Variants in POC1A observed in about 807,000 individuals in gnomAD.
The protein encoded by POC1A is POC1 centriolar protein homolog A.
A neutral mutation model predicts 47.8 loss-of-function variants in POC1A; 34 were observed. The observed-to-expected ratio is 0.71, with a 90% CI of 0.54 to 0.95. The LOEUF is 0.95. POC1A is among the 40% of genes least tolerant of loss of function. POC1A has a pLI of 0.00. For missense variants in POC1A, 466 were observed against 528.3 expected (o/e 0.88, Z 1.16); for synonymous variants, 177 against 207.6 (o/e 0.85, Z 1.27).
intron 7 of POC1A, among the ~76,000 whole-genome samples, chr3:52,133,382 T>C (rs1704309541): frequency 6.6e-6 from 1 of 152,202 alleles, no homozygotes; most frequent in South Asian, 2.1e-4. Flanking sequence ...TCCGGTATTT[T>C]ATTACAACAG....
chr3:52,123,052 C>A (rs932721298), intron 8 of POC1A, among the ~76,000 whole-genome samples: 6 of 152,236 alleles, frequency 3.9e-5, no homozygotes. Context: ...GGGACTCAAC[C>A]TTGTGCCTCA....
intron 9 of POC1A, among the ~76,000 whole-genome samples, chr3:52,113,831 C>A (rs999463436): frequency 1.3e-5 from 2 of 152,322 alleles, no homozygotes; most frequent in South Asian, 4.1e-4. Flanking sequence ...GCACTTTCCA[C>A]GAATTCTATT....
At position 52,149,233 on chromosome 3, in the gene POC1A, A is replaced by T. The variant is rs1444318880; in HGVS notation, c.432T>A (p.His144Gln). 1 of 1,614,134 alleles carries T rather than the reference A, an allele frequency of 6.2e-7. No homozygotes were observed. Among genetic ancestry groups the T allele is most frequent in the Non-Finnish European group, 8.5e-7 (1 of 1,180,022 alleles). The change falls in exon 4 of 11, where the codon CAT becomes CAA. Residue 144 changes from histidine (H) to glutamine (Q), a missense_variant. Physicochemically the swap from His to Gln is conservative, Grantham distance 24. Transcript: ENST00000296484. Reference sequence around the variant, plus strand: ...ACTTGGCACAGCGGACCCAGTTGATATGCTGGCTCAGGGAGAACAGGAATT... The same window carrying T: ...ACTTGGCACAGCGGACCCAGTTGATTTGCTGGCTCAGGGAGAACAGGAATT... ...RQKFLFSLSQ[H>Q]INWVRCAKFS...
chr3:52,142,085 AC>A (rs1698216231), intron 6 of POC1A, among the ~76,000 whole-genome samples: 1 of 152,228 alleles, frequency 6.6e-6, no homozygotes, highest in Non-Finnish European at 1.5e-5. Context: ...GGAGACTCAG[AC>A]CCATAGCTTT....
intron 10 of POC1A, among the ~76,000 whole-genome samples, chr3:52,077,370 T>C (rs1702149581): frequency 6.6e-6 from 1 of 152,248 alleles, no homozygotes; most frequent in South Asian, 2.1e-4. Flanking sequence ...AGTCTCCCCC[T>C]TTAAGGCTGC....
Position 52,105,828 on chromosome 3 carries a change from G to C in POC1A, c.982-9116C>G, listed in dbSNP as rs1476074893. Among the ~76,000 whole-genome samples the C allele has an allele frequency of 3.3e-5, 5 of 152,200 alleles. No homozygotes were observed. The South Asian group carries it at 6.2e-4, about 19-fold the overall frequency. ...GGTCCCACCTCTGGCTTTCATCTAG[G>C]GGGTATGAACATGCAGCGTGCCTTT... On this transcript the variant is annotated intron_variant, in intron 9 of 10. Transcript: ENST00000296484.
In POC1A at chr3:52,125,136, CA is replaced by C; in HGVS notation, c.858del (p.Phe286LeufsTer10). The C allele has an allele frequency of 6.2e-7, 1 of 1,613,934 alleles. No homozygotes were observed. Among genetic ancestry groups the C allele is most frequent in the Non-Finnish European group, 8.5e-7 (1 of 1,179,832 alleles). Reference protein sequence around the residue: ...TVAFSRTGEYFASGGSDEQVM... With the variant: ...TVAFSRTGEYXASGGSDEQVM... ...ACTTGTTCATCAGAGCCTCCAGAAG[CA>C]AAATACTCCCCCGTTCTTGAAAAGG... On this transcript the variant is annotated frameshift_variant, in exon 8 of 11. Coordinates refer to ENST00000296484, the MANE Select transcript of POC1A (RefSeq NM_015426.5). LOFTEE classifies it high-confidence loss of function.
intron 9 of POC1A, among the ~76,000 whole-genome samples, chr3:52,112,514 T>A (rs1438295587): frequency 1.3e-5 from 2 of 152,118 alleles, no homozygotes; most frequent in African/African-American, 4.8e-5. Context: ...TGGTGGTGCA[T>A]GCCTGTAATC....
intron 9 of POC1A, among the ~76,000 whole-genome samples, chr3:52,101,158 G>A (rs1702993004): frequency 6.6e-6 from 1 of 151,694 alleles, no homozygotes; most frequent in Admixed American, 6.6e-5. Context: ...AGGGAGGAGG[G>A]CCAAGAACAT....
chr3:52,093,056 C>T (rs1702697330), intron 10 of POC1A, among the ~76,000 whole-genome samples: 1 of 152,222 alleles, frequency 6.6e-6, no homozygotes, highest in Admixed American at 6.5e-5. Context: ...CTCCACTCTA[C>T]CCCAGACCCT....
At chr3:52,120,012 A>T (rs1311259362) in intron 9 of POC1A, among the ~76,000 whole-genome samples, 1 of 152,094 alleles carries the variant, frequency 6.6e-6, no homozygotes, top group African/African-American at 2.4e-5. Flanking sequence ...ACCAGTCCCC[A>T]GATACGGTCT....
intron 7 of POC1A, among the ~76,000 whole-genome samples, chr3:52,125,872 C>T (rs1200511371): frequency 3.3e-5 from 5 of 152,288 alleles, no homozygotes; most frequent in East Asian, 1.9e-4. Context: ...CACGCCAGGC[C>T]GCACTCCAAG....
chr3:52,103,644 C>T (rs1703072564), intron 9 of POC1A, among the ~76,000 whole-genome samples: 1 of 152,086 alleles, frequency 6.6e-6, no homozygotes, highest in Non-Finnish European at 1.5e-5. Flanking sequence ...TTAGATATGA[C>T]ACCTAAAGTA....
intron 7 of POC1A, among the ~76,000 whole-genome samples, chr3:52,137,167 G>A (rs1411281124): frequency 6.6e-6 from 1 of 152,142 alleles, no homozygotes; most frequent in Non-Finnish European, 1.5e-5. Flanking sequence ...GACAGGGAAG[G>A]CAAGGGGTCA....
At chr3:52,128,818 T>A (rs1011429392) in intron 7 of POC1A, among the ~76,000 whole-genome samples, 6 of 152,192 alleles carry the variant, frequency 3.9e-5, no homozygotes, top group African/African-American at 1.2e-4. Context: ...GTATTTTCAA[T>A]TTTTTTGGTT....
At chr3:52,077,458 T>G (rs9809254) in intron 10 of POC1A, among the ~76,000 whole-genome samples, 2 of 152,256 alleles carry the variant, frequency 1.3e-5, no homozygotes, top group East Asian at 3.9e-4. Flanking sequence ...CCCTTCTAAA[T>G]GGGCCAATCA....
intron 10 of POC1A, among the ~76,000 whole-genome samples, chr3:52,087,031 C>A (rs1011486786): frequency 2.0e-5 from 3 of 152,354 alleles, no homozygotes; most frequent in Non-Finnish European, 4.4e-5. Context: ...TGGGCCCACC[C>A]AGCTTGTGAG....
intron 10 of POC1A, among the ~76,000 whole-genome samples, chr3:52,088,397 G>A (rs999402484): frequency 6.6e-6 from 1 of 152,228 alleles, no homozygotes; most frequent in African/African-American, 2.4e-5. Flanking sequence ...CTAAGTTCAA[G>A]GCTTCCTGTG....
intron 9 of POC1A, among the ~76,000 whole-genome samples, chr3:52,118,348 C>T (rs879628265): frequency 9.2e-5 from 14 of 152,198 alleles, no homozygotes; most frequent in Non-Finnish European, 1.9e-4. Context: ...AAATGGAACC[C>T]ATTATTCTCA....
Sources: gnomAD v4.1 joint callset for allele counts (sites outside exome capture counted in the v4.1 genomes callset) on GRCh38, gnomAD v4.1.1 for gene constraint, MANE v1.5 for transcripts, NCBI Gene and HGNC (gene_info 2026-07-23, HGNC 2026-07-21) for gene names.